Variants in PABIR2 observed in about 807,000 individuals in gnomAD.
PABIR2 encodes PABIR family member 2.
Under a neutral mutation model 22.8 loss-of-function variants are expected in PABIR2, and 7 were observed. That is an observed-to-expected ratio of 0.31 (90% CI 0.17 to 0.58). The LOEUF is 0.58. Among genes scored for constraint, PABIR2 ranks in the 20% least tolerant of loss-of-function variants. The pLI is 0.89. For missense variants in PABIR2, 155 were observed against 205.1 expected (o/e 0.76, Z 1.49); for synonymous variants, 67 against 73.8 (o/e 0.91, Z 0.47).
chrX:134,777,964 G>A (rs1290320230), intron 9 of PABIR2, among the ~76,000 whole-genome samples: 1 of 99,553 alleles, frequency 1.0e-5, no homozygotes, highest in African/African-American at 3.7e-5. Flanking sequence ...TGTGATCCTG[G>A]CTCACTGCTA....
At position 134,771,324 on chromosome X, in the gene PABIR2, G is replaced by A; in HGVS notation, c.*815C>T. 3.5e-6 allele frequency: 4 copies of A among 1,153,379 alleles called. No homozygotes were observed. The South Asian group carries it at 5.7e-5, about 17-fold the overall frequency. ...GTAGATGCTCCACACATCTGGTCAA[G>A]GCAGGAATTTCTTCTCCTTGATAAC... On this transcript the variant is annotated 3_prime_UTR_variant, in exon 10 of 10. Coordinates refer to ENST00000343004, the MANE Select transcript of PABIR2 (RefSeq NM_001387468.1).
At position 134,790,128 on chromosome X, in the gene PABIR2, G is replaced by A. The variant is rs386476710; in HGVS notation, c.178-492C>T. On this transcript the variant is annotated intron_variant, in intron 2 of 9. Transcript: ENST00000343004. ...TGCAATAAGGAGGTTTTGCTTTCAC[G>A]ATCCAAATCCATTCTAAAATCTCAT... is the stretch of plus-strand genomic sequence containing the variant. Among the ~76,000 whole-genome samples, 267 of 112,057 alleles carry A rather than the reference G, an allele frequency of 2.4e-3. 1 individual carries two copies. The highest frequency in any genetic ancestry group is 3.8e-3 in the Non-Finnish European group (202 of 53,191).
At chrX:134,785,986 C>T in intron 7 of PABIR2, 36 bp from the exon 8 acceptor site, 10 of 1,159,927 alleles carry the variant, frequency 8.6e-6, no homozygotes, top group Non-Finnish European at 1.2e-5. Flanking sequence ...ATGTGAAGAA[C>T]ATCCACGATG....
At chrX:134,785,473 A>G (rs1183525344) in intron 8 of PABIR2, among the ~76,000 whole-genome samples, 3 of 107,414 alleles carry the variant, frequency 2.8e-5, no homozygotes, top group Non-Finnish European at 5.8e-5. Context: ...ATGGAGTGTC[A>G]CTCTGTTGCC....
chrX:134,794,008 T>G, intron 1 of PABIR2, 115 bp from the exon 2 acceptor site: 2 of 1,112,548 alleles, frequency 1.8e-6, no homozygotes, highest in Non-Finnish European at 2.3e-6. Context: ...AAATCTTCCA[T>G]GGCTCCTCAT....
chrX:134,788,611 G>T, intron 6 of PABIR2, 119 bp downstream of exon 6: 1 of 440,023 alleles, frequency 2.3e-6, no homozygotes, highest in South Asian at 6.5e-5. Context: ...TACTGCTGTA[G>T]ATTTTCATTG....
intron 9 of PABIR2, among the ~76,000 whole-genome samples, chrX:134,776,170 TTA>T (rs1569422272): frequency 1.8e-5 from 2 of 108,202 alleles, no homozygotes; most frequent in Non-Finnish European, 1.9e-5. Context: ...TGATTAAAAC[TTA>T]TGTTTTGTAC....
Position 134,796,350 on chromosome X carries a change from C to T in PABIR2, c.-145G>A, listed in dbSNP as rs1222077833. 1 of 1,911 alleles carries T rather than the reference C, an allele frequency of 5.2e-4. No homozygotes were observed. Among genetic ancestry groups the T allele is most frequent in the African/African-American group, 2.6e-3 (1 of 385 alleles). The allele number at this position is 1,911 out of a possible 1,213,427, so 0.2% of individuals were successfully genotyped here. A position where few individuals can be genotyped will look rare whatever the true frequency, so the allele number is the denominator to read the frequency against. Reference sequence around the variant, plus strand: ...AGGGGCGGAGGCTTGGGGACGGGGGCGGGGGCTGGGGGCGGAGAAAAGTAG... The same window carrying T: ...AGGGGCGGAGGCTTGGGGACGGGGGTGGGGGCTGGGGGCGGAGAAAAGTAG... On this transcript the variant is annotated 5_prime_UTR_variant, in exon 1 of 10. Transcript: ENST00000343004.
At chrX:134,785,445 A>C (rs1468631620) in intron 8 of PABIR2, among the ~76,000 whole-genome samples, 1 of 109,427 alleles carries the variant, frequency 9.1e-6, no homozygotes, top group Non-Finnish European at 1.9e-5. Context: ...GATCACAGTC[A>C]ATTTTTTTTT....
intron 2 of PABIR2, among the ~76,000 whole-genome samples, chrX:134,792,506 T>A (rs1372592097): frequency 5.3e-5 from 6 of 112,412 alleles, no homozygotes; most frequent in Non-Finnish European, 1.1e-4. Flanking sequence ...GTGAAATGAA[T>A]GAAACCTCCA....
chrX:134,786,723 C>T (rs1321270545), intron 7 of PABIR2, among the ~76,000 whole-genome samples: 2 of 110,724 alleles, frequency 1.8e-5, no homozygotes, highest in Non-Finnish European at 3.8e-5. Flanking sequence ...TTTGGGAGGC[C>T]GAGGAGGGCA....
rs1279960842 is a variant in PABIR2, at chrX:134,770,104, T to A, written c.*2035A>T. On this transcript the variant is annotated 3_prime_UTR_variant, in exon 10 of 10. Transcript: ENST00000343004. ...TCATATTTCAGTTATTTCTTAACAG[T>A]GTTAAGTTCGAGCCTAAAAATGATG... is the stretch of plus-strand genomic sequence containing the variant. 1.8e-5 allele frequency: 2 copies of A among 112,213 alleles called. No homozygotes were observed. The highest frequency in any genetic ancestry group is 6.5e-5 in the African/African-American group (2 of 30,805). The allele number at this position is 112,213 out of a possible 1,213,427, so 9.2% of individuals were successfully genotyped here.
intron 9 of PABIR2, among the ~76,000 whole-genome samples, chrX:134,773,859 T>C (rs1188516460): frequency 9.0e-6 from 1 of 111,585 alleles, no homozygotes; most frequent in African/African-American, 3.3e-5. Context: ...AATGTACTTC[T>C]AGTGTTAAAA....
rs1220884586 is a variant in PABIR2, at chrX:134,770,566, G to A, written c.*1573C>T. ...CTTCCTTTAAAATCCAAGGATCCTT[G>A]CCTTCAAAAGACACAAATGCAGTAG... On this transcript the variant is annotated 3_prime_UTR_variant, in exon 10 of 10. Coordinates refer to ENST00000343004, the MANE Select transcript of PABIR2 (RefSeq NM_001387468.1). 1.8e-5 allele frequency: 2 copies of A among 112,643 alleles called. No individual in the cohort carries two copies. The highest frequency in any genetic ancestry group is 3.8e-5 in the Non-Finnish European group (2 of 53,256). 9.3% of individuals were successfully genotyped at this position (112,643 alleles called of 1,213,427 possible). A position where few individuals can be genotyped will look rare whatever the true frequency, so the allele number is the denominator to read the frequency against.
chrX:134,776,850 G>A (rs1024657436), intron 9 of PABIR2, among the ~76,000 whole-genome samples: 3 of 112,076 alleles, frequency 2.7e-5, no homozygotes, highest in Non-Finnish European at 5.6e-5. Flanking sequence ...AACATCTAAT[G>A]ATCTGATCCT....
chrX:134,795,425 A>G (rs1303150299), intron 1 of PABIR2, among the ~76,000 whole-genome samples: 4 of 111,487 alleles, frequency 3.6e-5, no homozygotes, highest in African/African-American at 1.3e-4. Context: ...TCACTATTAC[A>G]AGATGCTACC....
chrX:134,784,212 G>A (rs1258338969), intron 8 of PABIR2, among the ~76,000 whole-genome samples: 2 of 111,046 alleles, frequency 1.8e-5, no homozygotes, highest in Non-Finnish European at 3.8e-5. Context: ...GCTCATACCT[G>A]TAATCCCAGC....
intron 8 of PABIR2, among the ~76,000 whole-genome samples, chrX:134,783,795 G>C (rs1362136521): frequency 9.0e-6 from 1 of 110,563 alleles, no homozygotes; most frequent in African/African-American, 3.3e-5. Flanking sequence ...TAATGGCTGG[G>C]CATGGTGGCT....
rs1270135572 is a variant in PABIR2, at chrX:134,771,285, CTATT to C, written c.*850_*853del. The C allele has an allele frequency of 8.7e-7, 1 of 1,151,093 alleles. No individual in the cohort carries two copies. Among genetic ancestry groups the C allele is most frequent in the Non-Finnish European group, 1.1e-6 (1 of 870,321 alleles). The allele number at this position is 1,151,093 out of a possible 1,213,427, so 94.9% of individuals were successfully genotyped here. On this transcript the variant is annotated 3_prime_UTR_variant, in exon 10 of 10. Coordinates refer to ENST00000343004, the MANE Select transcript of PABIR2 (RefSeq NM_001387468.1). Reference sequence around the variant, plus strand: ...TACACAGTGGTTTGTGTGTAAATAACTATTCATTCATTTGTAGATGCTCCACACA... The same window carrying C: ...TACACAGTGGTTTGTGTGTAAATAACCATTCATTTGTAGATGCTCCACACA...
Sources: gnomAD v4.1 joint callset for allele counts (sites outside exome capture counted in the v4.1 genomes callset) on GRCh38, gnomAD v4.1.1 for gene constraint, MANE v1.5 for transcripts, NCBI Gene and HGNC (gene_info 2026-07-23, HGNC 2026-07-21) for gene names.